Variants in NEDD9 observed in about 807,000 individuals in gnomAD.
NEDD9 encodes neural precursor cell expressed, developmentally down-regulated 9, also known as enhancer of filamentation 1.
In NEDD9, 26 loss-of-function variants were observed where a neutral mutation model predicts 76.6. The observed-to-expected ratio is 0.34, with a 90% confidence interval of 0.25 to 0.47. The LOEUF is 0.47. Among genes scored for constraint, NEDD9 ranks in the 20% least tolerant of loss-of-function variants. NEDD9 has a pLI of 1.00. For synonymous variants in NEDD9, 392 were observed against 414.2 expected (o/e 0.95, Z 0.65); for missense variants, 937 against 1,058.5 (o/e 0.89, Z 1.59).
intron 1 of NEDD9, chr6:11,214,304 C>A: frequency 2.2e-6 from 1 of 464,128 alleles, no homozygotes. Context: ...AGAGAGAATC[C>A]ACAAGCAAGG....
intron 3 of NEDD9, among the ~76,000 whole-genome samples, chr6:11,238,230 A>G (rs960948539): frequency 9.9e-5 from 15 of 152,118 alleles, no homozygotes; most frequent in Non-Finnish European, 1.3e-4. Flanking sequence ...CTTACTTTAC[A>G]CTTCACAAAA....
rs575703233 is a variant in NEDD9, at chr6:11,192,058, G to A, written c.663+287C>T. Among the ~76,000 whole-genome samples the A allele has an allele frequency of 3.0e-4, 46 of 152,204 alleles. 2 individuals carry two copies. The South Asian group carries it at 9.5e-3, about 32-fold the overall frequency. ...CCTCTACAAATATATATTAGTACTTGCCAAACTGAACTAATTATCTTCCCT... is the reference window on the plus strand; with the variant it reads ...CCTCTACAAATATATATTAGTACTTACCAAACTGAACTAATTATCTTCCCT... On this transcript the variant is annotated intron_variant, in intron 4 of 6. Coordinates refer to ENST00000379446, the MANE Select transcript of NEDD9 (RefSeq NM_006403.4).
intron 1 of NEDD9, among the ~76,000 whole-genome samples, chr6:11,225,648 A>C (rs1759287257): frequency 1.3e-5 from 2 of 152,000 alleles, no homozygotes; most frequent in African/African-American, 4.8e-5. Context: ...ATTACAGGTG[A>C]CCACCACCAT....
chr6:11,194,425 C>T (rs1758240941), intron 2 of NEDD9, among the ~76,000 whole-genome samples: 1 of 152,200 alleles, frequency 6.6e-6, no homozygotes, highest in African/African-American at 2.4e-5. Flanking sequence ...TAGAGTTTAG[C>T]CACTTAAAAT....
intron 3 of NEDD9, among the ~76,000 whole-genome samples, chr6:11,256,624 C>G (rs1179649989): frequency 6.6e-6 from 1 of 152,124 alleles, no homozygotes; most frequent in African/African-American, 2.4e-5. Flanking sequence ...CCGTGCTTGG[C>G]TAATTCTTAT....
At chr6:11,233,718 A>G (rs117099847), upstream of NEDD9, among the ~76,000 whole-genome samples, 181 of 152,294 alleles carry the variant, frequency 1.2e-3, 4 homozygotes, top group East Asian at 0.032. Context: ...CACCCAGAAA[A>G]CAGAAATGGT....
exon 3 of NEDD9, chr6:11,306,010 C>T (rs1251201287): frequency 2.5e-6 from 4 of 1,613,848 alleles, no homozygotes; most frequent in Non-Finnish European, 3.4e-6. Context: ...ACATTTTGCC[C>T]CAAGGAATGA....
In NEDD9 at chr6:11,305,885, C is replaced by T. The variant is rs78390254; in HGVS notation, c.12+107G>A. On this transcript the variant is annotated intron_variant, in intron 3 of 3. Coordinates refer to the NEDD9 transcript ENST00000397378. The stretch of plus-strand genomic sequence containing the variant: ...TTTCCCCAAATGTTAGTTGCAGGCC[C>T]GTATGACAAAAAAACATGATTTGTA... 5,275 of 1,336,172 alleles carry T rather than the reference C, an allele frequency of 3.9e-3. 79 individuals carry two copies. In the East Asian group the frequency reaches 0.053, roughly 13 times the overall value. 82.8% of individuals were successfully genotyped at this position (1,336,172 alleles called of 1,614,324 possible).
chr6:11,338,826 G>T lies in NEDD9; in HGVS notation c.-213-4265C>A, dbSNP rs966202330. On this transcript the variant is annotated intron_variant, in intron 1 of 3. Coordinates refer to the NEDD9 transcript ENST00000397378. ...AATCCCAGCTACTTGGGAGGCTGAG[G>T]CAGGAGAATTGCTTGAACCTGGGAG... is the stretch of plus-strand genomic sequence containing the variant. Among the ~76,000 whole-genome samples, 8 of 151,728 alleles carry T rather than the reference G, an allele frequency of 5.3e-5. 1 individual carries two copies. The highest frequency in any genetic ancestry group is 6.6e-5 in the Admixed American group (1 of 15,246).
At chr6:11,269,365 C>T (rs866196992) in intron 3 of NEDD9, among the ~76,000 whole-genome samples, 6 of 152,192 alleles carry the variant, frequency 3.9e-5, no homozygotes, top group Admixed American at 6.5e-5. Context: ...CTTTATTTTA[C>T]AACATTATTA....
intron 3 of NEDD9, among the ~76,000 whole-genome samples, chr6:11,256,032 G>A (rs1759998675): frequency 6.6e-6 from 1 of 152,158 alleles, no homozygotes; most frequent in Non-Finnish European, 1.5e-5. Context: ...GAGCATCTGG[G>A]TCTTGGCCCA....
At chr6:11,323,448 G>A (rs1761855060) in intron 2 of NEDD9, among the ~76,000 whole-genome samples, 2 of 152,244 alleles carry the variant, frequency 1.3e-5, no homozygotes, top group Admixed American at 1.3e-4. Context: ...GGGCTCATGG[G>A]CTCAAAGTCA....
intron 1 of NEDD9, among the ~76,000 whole-genome samples, chr6:11,362,175 T>C (rs762048375): frequency 6.6e-6 from 1 of 152,108 alleles, no homozygotes; most frequent in Non-Finnish European, 1.5e-5. Flanking sequence ...CCCAGAGAGC[T>C]CTCTACCTCT....
At chr6:11,326,362 A>G (rs1761927757) in intron 2 of NEDD9, among the ~76,000 whole-genome samples, 1 of 152,196 alleles carries the variant, frequency 6.6e-6, no homozygotes, top group South Asian at 2.1e-4. Flanking sequence ...TTCTGTGTTT[A>G]TGGCATCTAA....
intron 3 of NEDD9, among the ~76,000 whole-genome samples, chr6:11,238,188 C>T (rs1216055153): frequency 1.3e-5 from 2 of 152,154 alleles, no homozygotes; most frequent in East Asian, 1.9e-4. Context: ...ATTCATCTCA[C>T]GTAACAGCCC....
At chr6:11,261,605 T>C (rs367812305) in intron 3 of NEDD9, among the ~76,000 whole-genome samples, 4 of 152,356 alleles carry the variant, frequency 2.6e-5, no homozygotes, top group African/African-American at 9.6e-5. Context: ...AGTTGTGTCT[T>C]ACCTGTTATA....
chr6:11,278,285 T>C (rs890415531), intron 3 of NEDD9, among the ~76,000 whole-genome samples: 4 of 152,154 alleles, frequency 2.6e-5, no homozygotes, highest in African/African-American at 9.7e-5. Flanking sequence ...ACCCTGCCTG[T>C]AACGCTGACT....
At chr6:11,296,651 C>CTTCCT (rs147179730) in intron 3 of NEDD9, among the ~76,000 whole-genome samples, 64 of 129,494 alleles carry the variant, frequency 4.9e-4, no homozygotes, top group South Asian at 8.2e-4. Context: ...CCTTTCCTTC[C>CTTCCT]TTCCTTTCCT....
rs192396147 is a variant in NEDD9 at position 11,381,260 on chromosome 6, G to A, written c.-214+879C>T. On this transcript the variant is annotated intron_variant, in intron 1 of 3. Transcript: ENST00000397378. ...TGGGTGGGAAACCAGCTTCTGGGCAGGGGAAGGAGGGACTCCCCATGCAGG... is the reference window on the plus strand; with the variant it reads ...TGGGTGGGAAACCAGCTTCTGGGCAAGGGAAGGAGGGACTCCCCATGCAGG... Among the ~76,000 whole-genome samples the A allele has an allele frequency of 2.6e-5, 4 of 152,332 alleles. No homozygotes were observed. In the East Asian group the frequency reaches 5.8e-4, roughly 22 times the overall value.
Sources: gnomAD v4.1 joint callset for allele counts (sites outside exome capture counted in the v4.1 genomes callset) on GRCh38, gnomAD v4.1.1 for gene constraint, MANE v1.5 for transcripts, NCBI Gene and HGNC (gene_info 2026-07-23, HGNC 2026-07-21) for gene names.